The following CADM2 variants were observed in gnomAD, a reference collection of about 807,000 sequenced individuals.
CADM2 encodes cell adhesion molecule 2.
A neutral mutation model predicts 49.8 loss-of-function variants in CADM2; 12 were observed. The ratio of observed to expected loss-of-function variants is 0.24; its 90% CI spans 0.15 to 0.39. The LOEUF (loss-of-function observed/expected upper bound fraction) is 0.39, where lower values mean the gene tolerates loss of function less well. CADM2 is among the 10% of genes least tolerant of loss of function. CADM2 has a pLI of 1.00. For synonymous variants in CADM2, 214 were observed against 175.4 expected, an observed-to-expected ratio of 1.22 and a Z score of -1.74; for missense variants, 378 against 492.3, an observed-to-expected ratio of 0.77 and a Z score of 2.20.
At chr3:85,058,681 G>T (rs2036186595) in intron 1 of CADM2, among the ~76,000 whole-genome samples, 1 of 151,932 alleles carries the variant, frequency 6.6e-6, no homozygotes, top group Non-Finnish European at 1.5e-5. Context: ...CTGACCTCAG[G>T]TGATCTGCCC....
At chr3:85,612,180 C>A (rs368917986) in intron 1 of CADM2, among the ~76,000 whole-genome samples, 2 of 151,758 alleles carry the variant, frequency 1.3e-5, no homozygotes, top group Admixed American at 1.3e-4. Context: ...TATTTCTTAT[C>A]TTTTATATTT....
chr3:85,598,855 G>GTATATA (rs548323149), intron 1 of CADM2, among the ~76,000 whole-genome samples: 2 of 46,222 alleles, frequency 4.3e-5, no homozygotes, highest in African/African-American at 7.0e-5. Flanking sequence ...GTGTGTGTGT[G>GTATATA]TATATATATA....
intron 5 of CADM2, among the ~76,000 whole-genome samples, chr3:85,910,134 G>C (rs1717391439): frequency 6.6e-6 from 1 of 151,998 alleles, no homozygotes; most frequent in Non-Finnish European, 1.5e-5. Flanking sequence ...CTTTTGTAAG[G>C]GAAACAGCTA....
chr3:85,003,899 G>A (rs569244446), intron 1 of CADM2, among the ~76,000 whole-genome samples: 8 of 152,202 alleles, frequency 5.3e-5, no homozygotes, highest in South Asian at 2.1e-4. Flanking sequence ...CTTCTCATCT[G>A]TAAAATGTTG....
intron 1 of CADM2, among the ~76,000 whole-genome samples, chr3:84,979,890 C>G (rs1292016188): frequency 1.3e-5 from 2 of 152,054 alleles, no homozygotes; most frequent in African/African-American, 2.4e-5. Flanking sequence ...AGTAAGAGAA[C>G]TGAAGGACTT....
intron 1 of CADM2, among the ~76,000 whole-genome samples, chr3:85,575,419 C>T (rs1370024881): frequency 6.6e-5 from 10 of 152,050 alleles, no homozygotes; most frequent in African/African-American, 1.4e-4. Flanking sequence ...TGCGTGGTGG[C>T]GGGCATCTGT....
At chr3:85,942,239 C>A (rs148099184) in intron 7 of CADM2, among the ~76,000 whole-genome samples, 1 of 152,072 alleles carries the variant, frequency 6.6e-6, no homozygotes, top group African/African-American at 2.4e-5. Context: ...TACCACCAGG[C>A]CTGCCCTACA....
chr3:85,760,276 G>C (rs779301992), intron 2 of CADM2, among the ~76,000 whole-genome samples: 3 of 151,636 alleles, frequency 2.0e-5, no homozygotes, highest in Admixed American at 6.6e-5. Flanking sequence ...ATTTGCAGGC[G>C]TAACTTGCAC....
chr3:84,974,692 T>G (rs924908027), intron 1 of CADM2, among the ~76,000 whole-genome samples: 2 of 151,978 alleles, frequency 1.3e-5, no homozygotes, highest in African/African-American at 4.8e-5. Context: ...AAGTTTATAT[T>G]GATTTTGTAT....
intron 1 of CADM2, among the ~76,000 whole-genome samples, chr3:85,332,529 A>G (rs1246805325): frequency 1.3e-5 from 2 of 151,930 alleles, no homozygotes; most frequent in East Asian, 3.9e-4. Context: ...AATTACTGAA[A>G]TTCACTTAGG....
At chr3:85,484,518 G>T (rs1462161785) in intron 1 of CADM2, among the ~76,000 whole-genome samples, 1 of 151,828 alleles carries the variant, frequency 6.6e-6, no homozygotes, top group African/African-American at 2.4e-5. Flanking sequence ...TCTATATAGA[G>T]CCAACAGCTA....
chr3:85,478,613 A>G (rs1013608440), intron 1 of CADM2, among the ~76,000 whole-genome samples: 1 of 151,908 alleles, frequency 6.6e-6, no homozygotes, highest in Non-Finnish European at 1.5e-5. Context: ...AACCCAGGGA[A>G]TTTAATTATT....
rs200167544 is a variant in CADM2 at position 85,943,004 on chromosome 3, C to T, written c.791+7147C>T. ...CATCCTCTCCAGCACCTGTTGTTTC[C>T]TGACTTTTTAATGATTCCCATTCTA... On this transcript the variant is annotated intron_variant, in intron 7 of 9. Transcript: ENST00000383699. 1.7e-4 allele frequency among the ~76,000 whole-genome samples: 26 copies of T among 152,190 alleles called. No homozygotes were observed. In the East Asian group the frequency reaches 4.7e-3, roughly 27 times the overall value.
intron 1 of CADM2, among the ~76,000 whole-genome samples, chr3:85,009,293 CA>C (rs953679513): frequency 2.0e-5 from 3 of 152,088 alleles, no homozygotes; most frequent in African/African-American, 7.2e-5. Context: ...TAAAAGTTAT[CA>C]GAGTGATAAA....
At chr3:85,722,006 G>C (rs56133427) in intron 1 of CADM2, among the ~76,000 whole-genome samples, 1,817 of 150,502 alleles carry the variant, frequency 0.012, 44 homozygotes, top group African/African-American at 0.043. Flanking sequence ...TCCTGTCTAC[G>C]GGCAGGTTGT....
Position 85,150,923 on chromosome 3 carries a change from AAATAAT to A in CADM2, c.61+191283_61+191288del, listed in dbSNP as rs199583843. On this transcript the variant is annotated intron_variant, in intron 1 of 9. Coordinates refer to ENST00000383699, the MANE Select transcript of CADM2 (RefSeq NM_001167675.2). The stretch of plus-strand genomic sequence containing the variant: ...GACGCTGTTTCAAAAAAATAAAAAT[AAATAAT>A]AATAATAATAATAATAATAATAATA... Among the ~76,000 whole-genome samples, 225 of 146,812 alleles carry A rather than the reference AAATAAT, an allele frequency of 1.5e-3. 5 individuals carry two copies. In the South Asian group the frequency reaches 0.025, roughly 16 times the overall value.
chr3:85,731,206 T>C (rs2067917515), intron 2 of CADM2, among the ~76,000 whole-genome samples: 1 of 152,170 alleles, frequency 6.6e-6, no homozygotes, highest in African/African-American at 2.4e-5. Flanking sequence ...TTGAAAGGCA[T>C]GTAAGAGGCT....
intron 1 of CADM2, among the ~76,000 whole-genome samples, chr3:85,500,489 A>T (rs2040071697): frequency 6.6e-6 from 1 of 151,826 alleles, no homozygotes; most frequent in Non-Finnish European, 1.5e-5. Flanking sequence ...GATGAAATAA[A>T]CTTCATTTCT....
chr3:85,640,513 G>A (rs974238421), intron 1 of CADM2, among the ~76,000 whole-genome samples: 8 of 152,312 alleles, frequency 5.3e-5, no homozygotes, highest in African/African-American at 1.9e-4. Flanking sequence ...GGTGGAGTTA[G>A]TATTCCATGC....
Sources: gnomAD v4.1 joint callset for allele counts (sites outside exome capture counted in the v4.1 genomes callset) on GRCh38, gnomAD v4.1.1 for gene constraint, MANE v1.5 for transcripts, NCBI Gene and HGNC (gene_info 2026-07-23, HGNC 2026-07-21) for gene names.